The following PTPRD variants were observed in gnomAD, a reference collection of about 807,000 sequenced individuals.
The protein encoded by PTPRD is receptor-type tyrosine-protein phosphatase delta.
A neutral mutation model predicts 214.5 loss-of-function variants in PTPRD; 34 were observed. That is an observed-to-expected ratio of 0.16 (90% CI 0.12 to 0.21). The LOEUF is 0.21. Among genes scored for constraint, PTPRD ranks in the 10% least tolerant of loss-of-function variants. The pLI is 1.00. For synonymous variants in PTPRD, 1,128 were observed against 845.7 expected (o/e 1.33, Z -5.79); for missense variants, 2,545 against 2,398.7 (o/e 1.06, Z -1.27).
chr9:10,401,799 C>A (rs1372071873), intron 2 of PTPRD, among the ~76,000 whole-genome samples: 1 of 150,592 alleles, frequency 6.6e-6, no homozygotes, highest in Non-Finnish European at 1.5e-5. Context: ...TCATATGTGT[C>A]CTACCCCCAT....
chr9:10,497,810 A>T (rs998309031), intron 2 of PTPRD, among the ~76,000 whole-genome samples: 18 of 152,012 alleles, frequency 1.2e-4, no homozygotes, highest in Non-Finnish European at 2.6e-4. Flanking sequence ...TTTATTCTAA[A>T]ATTAACGTTT....
rs72698240 is a variant in PTPRD, at chr9:8,622,961, G to T, written c.352+10356C>A. On this transcript the variant is annotated intron_variant, in intron 14 of 45. Transcript: ENST00000381196. ...AAGACCAGCCTGGGCAATATAGCAA[G>T]ACCTATTTTCTAAAGAAAATTTACA... 2.7e-3 allele frequency among the ~76,000 whole-genome samples: 409 copies of T among 150,996 alleles called. 1 individual carries two copies. The highest frequency in any genetic ancestry group is 4.0e-3 in the Admixed American group (61 of 15,106).
intron 4 of PTPRD, among the ~76,000 whole-genome samples, chr9:9,954,665 C>G (rs2093755446): frequency 6.6e-6 from 1 of 151,926 alleles, no homozygotes; most frequent in African/African-American, 2.4e-5. Context: ...AACAAACATC[C>G]TTATACATAT....
At chr9:9,575,717 CAAAAAAAAAAAAAAAAAAA>C (rs757614546) in intron 7 of PTPRD, among the ~76,000 whole-genome samples, 2 of 33,312 alleles carry the variant, frequency 6.0e-5, no homozygotes, top group Admixed American at 5.9e-4. Flanking sequence ...AAGACTGTCT[CAAAAAAAAAAAAAAAAAAA>C]AAAAAAAAAA....
chr9:8,339,706 A>C (rs1005026554), intron 42 of PTPRD, among the ~76,000 whole-genome samples: 3 of 152,130 alleles, frequency 2.0e-5, no homozygotes, highest in Non-Finnish European at 4.4e-5. Flanking sequence ...AAATATCTGA[A>C]GCAAATACGA....
chr9:9,167,797 C>A (rs1224813738), intron 10 of PTPRD, among the ~76,000 whole-genome samples: 1 of 152,050 alleles, frequency 6.6e-6, no homozygotes, highest in Non-Finnish European at 1.5e-5. Flanking sequence ...TTGTTTTCAT[C>A]TACAAAAAAG....
chr9:8,499,876 C>T (rs761450800), intron 24 of PTPRD, 36 bp from the exon 25 acceptor site: 11 of 1,552,776 alleles, frequency 7.1e-6, no homozygotes, highest in South Asian at 1.2e-5. Context: ...AAATTATAGG[C>T]ACTTGTCCCA....
intron 3 of PTPRD, among the ~76,000 whole-genome samples, chr9:10,211,831 A>G (rs1312582853): frequency 6.6e-6 from 1 of 152,118 alleles, no homozygotes; most frequent in Non-Finnish European, 1.5e-5. Flanking sequence ...GAGGGATGAG[A>G]AATTACTTAA....
intron 9 of PTPRD, among the ~76,000 whole-genome samples, chr9:9,396,286 C>T (rs557750582): frequency 7.9e-5 from 12 of 152,132 alleles, no homozygotes; most frequent in Middle Eastern, 3.4e-3. Flanking sequence ...TACTACCTTA[C>T]TATTTACAGC....
At chr9:10,242,676 A>C (rs1395524151) in intron 3 of PTPRD, among the ~76,000 whole-genome samples, 3 of 68,304 alleles carry the variant, frequency 4.4e-5, no homozygotes, top group African/African-American at 5.7e-5. Context: ...CAATCAGCTT[A>C]AGGGCTTACT....
chr9:9,853,777 C>A (rs1405594665), intron 5 of PTPRD, among the ~76,000 whole-genome samples: 1 of 151,966 alleles, frequency 6.6e-6, no homozygotes, highest in African/African-American at 2.4e-5. Context: ...TCAATGGTCT[C>A]AATTTCTTGA....
chr9:10,282,463 G>C (rs1185470321), intron 3 of PTPRD, among the ~76,000 whole-genome samples: 1 of 152,090 alleles, frequency 6.6e-6, no homozygotes, highest in Admixed American at 6.5e-5. Context: ...TGTCGAGGTT[G>C]AGTTAGATGA....
chr9:10,198,648 G>A (rs910194125), intron 3 of PTPRD, among the ~76,000 whole-genome samples: 1 of 152,020 alleles, frequency 6.6e-6, no homozygotes, highest in African/African-American at 2.4e-5. Context: ...ACTGATGGTG[G>A]TTAATCAAAA....
intron 2 of PTPRD, among the ~76,000 whole-genome samples, chr9:10,512,363 A>T (rs1291803830): frequency 6.6e-6 from 1 of 151,928 alleles, no homozygotes; most frequent in African/African-American, 2.4e-5. Context: ...TCATTGAGAG[A>T]AAGTATACTG....
intron 5 of PTPRD, among the ~76,000 whole-genome samples, chr9:9,894,860 C>CT (rs2074503167): frequency 6.6e-6 from 1 of 151,606 alleles, no homozygotes; most frequent in Non-Finnish European, 1.5e-5. Flanking sequence ...ACTTTTGTTT[C>CT]TTTTTGAGAT....
chr9:9,111,911 G>A (rs765056962), intron 10 of PTPRD, among the ~76,000 whole-genome samples: 5 of 151,978 alleles, frequency 3.3e-5, no homozygotes, highest in Middle Eastern at 3.2e-3. Flanking sequence ...CATTAAGGAC[G>A]ACTGCTTCAT....
intron 36 of PTPRD, among the ~76,000 whole-genome samples, chr9:8,393,333 T>C (rs768966316): frequency 6.6e-6 from 1 of 152,158 alleles, no homozygotes. Flanking sequence ...TGAAAGAGTA[T>C]AGAATTACTA....
At chr9:8,668,627 A>T (rs1036103068) in intron 12 of PTPRD, among the ~76,000 whole-genome samples, 1 of 152,230 alleles carries the variant, frequency 6.6e-6, no homozygotes, top group African/African-American at 2.4e-5. Context: ...GAGATGGTGA[A>T]ATTACTACTA....
intron 9 of PTPRD, among the ~76,000 whole-genome samples, chr9:9,222,670 G>C (rs1204191480): frequency 6.6e-6 from 1 of 151,930 alleles, no homozygotes; most frequent in Non-Finnish European, 1.5e-5. Flanking sequence ...CTTTGCCAAT[G>C]AGAAACAACA....
Sources: allele counts gnomAD v4.1 joint callset (sites outside exome capture counted in the v4.1 genomes callset), GRCh38; gene constraint gnomAD v4.1.1; transcripts MANE v1.5; gene names NCBI Gene and HGNC (gene_info 2026-07-23, HGNC 2026-07-21).